Variants in ADH5 observed in about 807,000 individuals in gnomAD.
ADH5 encodes alcohol dehydrogenase 5 (class III), chi polypeptide, also known as alcohol dehydrogenase class-3.
A neutral mutation model predicts 40.3 loss-of-function variants in ADH5; 32 were observed. The observed-to-expected ratio is 0.79, with a 90% confidence interval of 0.60 to 1.07. The LOEUF is 1.07. ADH5 is among the 50% of genes least tolerant of loss of function. The pLI, the probability that ADH5 is intolerant of heterozygous loss-of-function variation, is 0.00. For synonymous variants in ADH5, 125 were observed against 154.3 expected (o/e 0.81, Z 1.41); for missense variants, 353 against 460.5 (o/e 0.77, Z 2.14).
At chr4:99,082,384 G>A (rs536763826) in intron 2 of ADH5, among the ~76,000 whole-genome samples, 6 of 152,120 alleles carry the variant, frequency 3.9e-5, no homozygotes, top group Non-Finnish European at 7.3e-5. Flanking sequence ...CCCTTTCAGC[G>A]CGCGTTAGCA....
In ADH5 at chr4:99,088,701, G is replaced by A. The variant is rs1416957093; in HGVS notation, c.-1C>T. The A allele has an allele frequency of 4.0e-5, 65 of 1,605,528 alleles. No individual in the cohort carries two copies. The highest frequency in any genetic ancestry group is 5.5e-5 in the Non-Finnish European group (65 of 1,175,476). ...CAACGGGCCCTACCTCGTTCGCCAT[G>A]TTCACGGATTCTGGTCGGCGCGGGG... On this transcript the variant is annotated 5_prime_UTR_variant, in exon 1 of 9. Transcript: ENST00000296412.
intron 7 of ADH5, among the ~76,000 whole-genome samples, chr4:99,073,778 T>C (rs1328527734): frequency 6.6e-6 from 1 of 152,232 alleles, no homozygotes. Flanking sequence ...GGGGCCTCAA[T>C]GATACAATGA....
At chr4:99,080,609 T>C (rs1728011143) in intron 4 of ADH5, 1 of 152,328 alleles carries the variant, frequency 6.6e-6, no homozygotes, top group African/African-American at 2.4e-5. Flanking sequence ...ATGTGAAAAA[T>C]AAATGTTTCT....
chr4:99,078,753 C>T (rs1037349974), intron 4 of ADH5, among the ~76,000 whole-genome samples: 4 of 152,152 alleles, frequency 2.6e-5, no homozygotes, highest in Admixed American at 2.6e-4. Context: ...TTTAGCCTTC[C>T]TTAATGTGAG....
At chr4:99,078,017 T>A (rs913966055) in intron 4 of ADH5, among the ~76,000 whole-genome samples, 6 of 152,244 alleles carry the variant, frequency 3.9e-5, no homozygotes, top group Admixed American at 3.3e-4. Flanking sequence ...TTTAGCATTG[T>A]GTCTGGCACA....
At chr4:99,085,316 T>C in intron 1 of ADH5, 100 bp from the exon 2 acceptor site, 2 of 472,814 alleles carry the variant, frequency 4.2e-6, no homozygotes, top group Non-Finnish European at 7.3e-6. Context: ...TTAAAAAGTA[T>C]ATCACAGATT....
rs752570947 is a variant in ADH5, at chr4:99,088,715, G to T, written c.-15C>A. On this transcript the variant is annotated 5_prime_UTR_variant, in exon 1 of 9. Coordinates refer to ENST00000296412, the MANE Select transcript of ADH5 (RefSeq NM_000671.4). ...TCGTTCGCCATGTTCACGGATTCTG[G>T]TCGGCGCGGGGGGCTGACATCCGGG... The T allele has an allele frequency of 1.9e-6, 3 of 1,607,036 alleles. No homozygotes were observed. Among genetic ancestry groups the T allele is most frequent in the Admixed American group, 1.7e-5 (1 of 59,626 alleles).
rs918836753 is a variant in ADH5 at position 99,076,342 on chromosome 4, C to T, written c.775G>A (p.Asp259Asn). 19 of 1,614,038 alleles carry T rather than the reference C, an allele frequency of 1.2e-5. No individual in the cohort carries two copies. The highest frequency in any genetic ancestry group is 1.1e-4 in the East Asian group (5 of 44,904). Residue 259 changes from aspartate (D) to asparagine (N), a missense_variant, in exon 6 of 9, where the codon GAT (aspartate) becomes AAT (asparagine). Physicochemically the swap from Asp to Asn is conservative, Grantham distance 23 (BLOSUM62 1). Transcript: ENST00000296412. ...TCAAAGGAATAGTCCACTCCTCCAT[C>T]GGTCATCTCAATGAGCACTTCCTGG... Reference protein sequence around the residue: ...PIQEVLIEMTDGGVDYSFECI... With the variant: ...PIQEVLIEMTNGGVDYSFECI...
At position 99,079,644 on chromosome 4, in the gene ADH5, T is replaced by TA. The variant is rs764157228; in HGVS notation, c.344+1720dup. On this transcript the variant is annotated intron_variant, in intron 4 of 8. Transcript: ENST00000296412. Reference sequence around the variant, plus strand: ...TATAATATGCATGCTCTACTTCAATTAAAAAAAAAAACGGAACACACACAA... The same window carrying TA: ...TATAATATGCATGCTCTACTTCAATTAAAAAAAAAAAACGGAACACACACAA... Among the ~76,000 whole-genome samples the TA allele has an allele frequency of 2.7e-3, 397 of 145,256 alleles. 3 individuals carry two copies. The highest frequency in any genetic ancestry group is 8.6e-3 in the African/African-American group (340 of 39,724).
rs748162259 is a variant in ADH5, at chr4:99,072,706, TC to T, written c.966del (p.Trp322Ter). Reference sequence around the variant, plus strand: ...AACTTTGGGACACTTTCTACACTCTTCCATCCTAAAAGAAATCACACATTAA... The same window carrying T: ...AACTTTGGGACACTTTCTACACTCTTCATCCTAAAAGAAATCACACATTAA... Reference protein sequence around the residue: ...RTWKGTAFGGWKSVESVPKLV... With the variant: ...RTWKGTAFGGXKSVESVPKLV... On this transcript the variant is annotated frameshift_variant, in exon 8 of 9. Coordinates refer to ENST00000296412, the MANE Select transcript of ADH5 (RefSeq NM_000671.4). LOFTEE classifies it high-confidence loss of function. The T allele has an allele frequency of 2.1e-5, 34 of 1,605,954 alleles. No individual in the cohort carries two copies. In the East Asian group the frequency reaches 7.4e-4, roughly 35 times the overall value.
chr4:99,076,704 C>T lies in ADH5; in HGVS notation c.564G>A (p.Lys188=). ...CAAAAAACCCAAGTCAGTCTCTTAC[C>T]TTGGCAGTGTTCACAGCAGCACCAT... is the stretch of plus-strand genomic sequence containing the variant. The part of the protein sequence containing the change: ...TGYGAAVNTA[K]LEPGSVCAVF... Residue 188 remains lysine (K), a splice_region_variant and synonymous_variant, in exon 5 of 9, where the codon AAG becomes AAA. Coordinates refer to ENST00000296412, the MANE Select transcript of ADH5 (RefSeq NM_000671.4). The T allele has an allele frequency of 6.2e-7, 1 of 1,613,478 alleles. No individual in the cohort carries two copies. The highest frequency in any genetic ancestry group is 1.1e-5 in the South Asian group (1 of 90,886).
At chr4:99,086,983 A>G (rs1411601634) in intron 1 of ADH5, among the ~76,000 whole-genome samples, 1 of 151,190 alleles carries the variant, frequency 6.6e-6, no homozygotes, top group Non-Finnish European at 1.5e-5. Context: ...AGTCCCTAAC[A>G]CAATCCTTGG....
rs561521942 is a variant in ADH5, at chr4:99,087,340, C to T, written c.12+1349G>A. ...AAGGTTGCAGTGACCCAAGATCGCGCTATCGCACTCCAGCCTGGGAAACAA... is the reference window on the plus strand; with the variant it reads ...AAGGTTGCAGTGACCCAAGATCGCGTTATCGCACTCCAGCCTGGGAAACAA... On this transcript the variant is annotated intron_variant, in intron 1 of 8. Transcript: ENST00000296412. Among the ~76,000 whole-genome samples, 57 of 141,124 alleles carry T rather than the reference C, an allele frequency of 4.0e-4. 1 individual carries two copies. The highest frequency in any genetic ancestry group is 3.0e-3 in the Admixed American group (39 of 12,852). The allele number at this position is 141,124 out of a possible 152,430, so 92.6% of individuals were successfully genotyped here.
rs1175722305 is a variant in ADH5 at position 99,071,728 on chromosome 4, A to G, written c.*689T>C. 6.6e-6 allele frequency: 1 copy of G among 152,244 alleles called. No homozygotes were observed. Among genetic ancestry groups the G allele is most frequent in the East Asian group, 1.9e-4 (1 of 5,194 alleles). The allele number at this position is 152,244 out of a possible 1,614,324, so 9.4% of individuals were successfully genotyped here. On this transcript the variant is annotated 3_prime_UTR_variant, in exon 9 of 9. Transcript: ENST00000296412. ...AAGTGGCAAAATGTTAAGATTTGAC[A>G]AAAGTAGGTGCTGAGAACTTGGATA...
At position 99,082,138 on chromosome 4, in the gene ADH5, G is replaced by A. The variant is rs372013007; in HGVS notation, c.115-22C>T. On this transcript the variant is annotated intron_variant, in intron 2 of 8. Coordinates refer to ENST00000296412, the MANE Select transcript of ADH5 (RefSeq NM_000671.4). ...TGATCTATCAGGACATTAAAACAAC[G>A]AATGTGTAAGTATGTGTGCATGCAA... 9.2e-5 allele frequency: 149 copies of A among 1,611,532 alleles called. 1 individual carries two copies. The East Asian group carries it at 1.5e-3, about 16-fold the overall frequency.
chr4:99,088,072 C>T (rs546542465), intron 1 of ADH5, among the ~76,000 whole-genome samples: 3 of 152,276 alleles, frequency 2.0e-5, no homozygotes, highest in Non-Finnish European at 4.4e-5. Flanking sequence ...GCACAACCAA[C>T]CTCAAACCTC....
chr4:99,071,616 A>G lies in ADH5; in HGVS notation c.*801T>C, dbSNP rs1727835377. On this transcript the variant is annotated 3_prime_UTR_variant, in exon 9 of 9. Coordinates refer to ENST00000296412, the MANE Select transcript of ADH5 (RefSeq NM_000671.4). Reference sequence around the variant, plus strand: ...AGAGTAGATGGTTTAGGTTATACACAGTGAAAGTACAACAACACAGGAATG... The same window carrying G: ...AGAGTAGATGGTTTAGGTTATACACGGTGAAAGTACAACAACACAGGAATG... The G allele has an allele frequency of 6.6e-6, 1 of 152,252 alleles. No individual in the cohort carries two copies. The highest frequency in any genetic ancestry group is 2.1e-4 in the South Asian group (1 of 4,836). 9.4% of individuals were successfully genotyped at this position (152,252 alleles called of 1,614,324 possible). A position where few individuals can be genotyped will look rare whatever the true frequency, so the allele number is the denominator to read the frequency against.
At chr4:99,074,810 A>G in intron 7 of ADH5, 104 bp downstream of exon 7, 1 of 1,320,050 alleles carries the variant, frequency 7.6e-7, no homozygotes, top group Non-Finnish European at 1.0e-6. Context: ...GAAGGAACTC[A>G]TGAAGATTCT....
At position 99,071,165 on chromosome 4, in the gene ADH5, G is replaced by A. The variant is rs1448508918; in HGVS notation, c.*1252C>T. ...CAAAGTTGAGCACAGGATATGAACA[G>A]GTTCTTCACAATAAAATGTCCATTA... On this transcript the variant is annotated 3_prime_UTR_variant, in exon 9 of 9. Transcript: ENST00000296412. The A allele has an allele frequency of 2.6e-5, 4 of 152,180 alleles. No homozygotes were observed. The highest frequency in any genetic ancestry group is 4.4e-5 in the Non-Finnish European group (3 of 68,030). 9.4% of individuals were successfully genotyped at this position (152,180 alleles called of 1,614,324 possible).
Sources: allele counts gnomAD v4.1 joint callset (sites outside exome capture counted in the v4.1 genomes callset), GRCh38; gene constraint gnomAD v4.1.1; transcripts MANE v1.5; gene names NCBI Gene and HGNC (gene_info 2026-07-23, HGNC 2026-07-21).